The following GPHN variants were observed in gnomAD, a reference collection of about 807,000 sequenced individuals.
GPHN encodes gephyrin.
A neutral mutation model predicts 95.5 loss-of-function variants in GPHN; 17 were observed. The observed-to-expected ratio is 0.18, with a 90% CI of 0.12 to 0.27. GPHN has a LOEUF of 0.27. GPHN is among the 10% of genes least tolerant of loss of function. The probability of loss-of-function intolerance (pLI) is 1.00; values close to 1 mark genes in which losing one functional copy is unlikely to be tolerated. For synonymous variants in GPHN, 320 were observed against 322.5 expected (o/e 0.99, Z 0.08); for missense variants, 660 against 978.1 (o/e 0.67, Z 4.34).
chr14:67,048,298 G>A (rs752331838), intron 10 of GPHN, among the ~76,000 whole-genome samples: 1 of 152,176 alleles, frequency 6.6e-6, no homozygotes, highest in Non-Finnish European at 1.5e-5. Flanking sequence ...TACCATGGAG[G>A]ATAGGAAATC....
intron 1 of GPHN, among the ~76,000 whole-genome samples, chr14:66,628,010 G>A (rs184425269): frequency 1.6e-4 from 24 of 152,054 alleles, no homozygotes; most frequent in Non-Finnish European, 3.2e-4. Context: ...TTGTCTTTTT[G>A]TGCCCTAAAA....
intron 9 of GPHN, among the ~76,000 whole-genome samples, chr14:67,006,877 T>G (rs572170313): frequency 6.6e-6 from 1 of 152,274 alleles, no homozygotes; most frequent in East Asian, 1.9e-4. Flanking sequence ...TAGCTCAGAG[T>G]CTGAAATACT....
chr14:67,676,679 A>G, the GPHN span: 1 of 152,268 alleles, frequency 6.6e-6, no homozygotes, highest in Non-Finnish European at 1.5e-5. Context: ...CAATTAGATT[A>G]TCACACAACC....
chr14:67,329,875 TAAATA>T, the GPHN span, among the ~76,000 whole-genome samples: 9,560 of 118,426 alleles, frequency 0.081, 497 homozygotes, highest in African/African-American at 0.22. Context: ...AATAAATAAA[TAAATA>T]GATATAGAAA....
the GPHN span, among the ~76,000 whole-genome samples, chr14:67,543,250 G>C: frequency 6.6e-6 from 1 of 152,302 alleles, no homozygotes; most frequent in African/African-American, 2.4e-5. Context: ...CTGTTTTATT[G>C]ATAGCTGGAG....
At chr14:67,118,731 CAA>C (rs1304105819) in intron 16 of GPHN, among the ~76,000 whole-genome samples, 3 of 130,756 alleles carry the variant, frequency 2.3e-5, no homozygotes, top group South Asian at 2.4e-4. Context: ...GACTCCGTCT[CAA>C]AAAAAAAAAA....
intron 1 of GPHN, among the ~76,000 whole-genome samples, chr14:66,659,186 G>A (rs1473737619): frequency 1.3e-5 from 2 of 150,856 alleles, no homozygotes; most frequent in Non-Finnish European, 3.0e-5. Flanking sequence ...GTGTGCACGC[G>A]TTTAATTTCT....
At chr14:66,923,046 A>T in intron 7 of GPHN, 108 bp downstream of exon 7, 2 of 925,868 alleles carry the variant, frequency 2.2e-6, no homozygotes, top group Non-Finnish European at 3.5e-6. Flanking sequence ...TTCTTCAGAG[A>T]ACCCTAAAAA....
At chr14:67,144,929 G>T (rs2080812528) in intron 18 of GPHN, among the ~76,000 whole-genome samples, 1 of 152,182 alleles carries the variant, frequency 6.6e-6, no homozygotes, top group African/African-American at 2.4e-5. Context: ...TGTTCTTAAA[G>T]CAGACAAATT....
chr14:67,300,911 C>T, the GPHN span, among the ~76,000 whole-genome samples: 1 of 151,918 alleles, frequency 6.6e-6, no homozygotes, highest in East Asian at 1.9e-4. Flanking sequence ...AGGCTGGTCT[C>T]AAACTCCTGG....
chr14:67,546,689 C>G, the GPHN span, among the ~76,000 whole-genome samples: 1 of 152,190 alleles, frequency 6.6e-6, no homozygotes, highest in Non-Finnish European at 1.5e-5. Flanking sequence ...CGTGCCCAGG[C>G]AGCAGACACA....
intron 2 of GPHN, among the ~76,000 whole-genome samples, chr14:66,753,215 CCCTGGGT>C (rs2058436682): frequency 6.6e-6 from 1 of 151,762 alleles, no homozygotes; most frequent in Non-Finnish European, 1.5e-5. Context: ...TGGATAGAGC[CCCTGGGT>C]ATATACTTAC....
At chr14:66,548,527 A>ATGGTGAACATAATATGTGAATTC (rs1215582972) in intron 1 of GPHN, among the ~76,000 whole-genome samples, 1 of 152,192 alleles carries the variant, frequency 6.6e-6, no homozygotes, top group Non-Finnish European at 1.5e-5. Flanking sequence ...TCCATATAAT[A>ATGGTGAACATAATATGTGAATTC]TGGTGAACAT....
At chr14:66,652,108 T>A (rs961086479) in intron 1 of GPHN, among the ~76,000 whole-genome samples, 1 of 152,138 alleles carries the variant, frequency 6.6e-6, no homozygotes, top group African/African-American at 2.4e-5. Flanking sequence ...TTTCAAAAGA[T>A]TGAGTCTTTC....
intron 18 of GPHN, 111 bp downstream of exon 18, chr14:67,143,560 T>C: frequency 1.3e-6 from 1 of 776,176 alleles, no homozygotes; most frequent in Non-Finnish European, 2.3e-6. Context: ...CCCACAAAGC[T>C]GAAAATCCAT....
chr14:66,614,380 C>T (rs1042345781), intron 1 of GPHN, among the ~76,000 whole-genome samples: 5 of 152,024 alleles, frequency 3.3e-5, no homozygotes, highest in African/African-American at 4.8e-5. Flanking sequence ...ACAGTATTGC[C>T]GCCTAAATCC....
intron 1 of GPHN, among the ~76,000 whole-genome samples, chr14:66,634,496 G>GT (rs2063996015): frequency 6.6e-6 from 1 of 151,932 alleles, no homozygotes; most frequent in Non-Finnish European, 1.5e-5. Flanking sequence ...TAGGTGTCAC[G>GT]TGGGGGCACC....
chr14:67,685,216 T>G, the GPHN span: 1 of 1,605,838 alleles, frequency 6.2e-7, no homozygotes, highest in Non-Finnish European at 8.5e-7. Context: ...TGGTTGGGGG[T>G]GGCATGAAGA....
chr14:66,849,665 C>T (rs2062495835), intron 4 of GPHN, among the ~76,000 whole-genome samples: 1 of 151,912 alleles, frequency 6.6e-6, no homozygotes, highest in African/African-American at 2.4e-5. Flanking sequence ...GTAATTTAAA[C>T]ACTGTTCTTG....
Sources: allele counts gnomAD v4.1 joint callset (sites outside exome capture counted in the v4.1 genomes callset), GRCh38; gene constraint gnomAD v4.1.1; transcripts MANE v1.5; gene names NCBI Gene and HGNC (gene_info 2026-07-23, HGNC 2026-07-21).